ABCC1: variants seen among roughly 807,000 people sequenced by gnomAD.
The protein encoded by ABCC1 is ATP binding cassette subfamily C member 1 (ABCC1 blood group).
A neutral mutation model predicts 172.9 loss-of-function variants in ABCC1; 83 were observed. The ratio of observed to expected loss-of-function variants is 0.48; its 90% CI spans 0.40 to 0.58. The LOEUF (loss-of-function observed/expected upper bound fraction) is 0.58. ABCC1 is among the 20% of genes least tolerant of loss of function. The pLI is 0.00. For missense variants in ABCC1, 1,817 were observed against 2,002.7 expected (o/e 0.91, Z 1.77); for synonymous variants, 937 against 825.2 (o/e 1.14, Z -2.32).
At chr16:16,068,056 C>G in intron 12 of ABCC1, 100 bp from the exon 13 acceptor site, 1 of 1,463,508 alleles carries the variant, frequency 6.8e-7, no homozygotes, top group Admixed American at 1.8e-5. Flanking sequence ...TTGTGGCCAC[C>G]TGGGGAGGGC....
chr16:16,110,664 C>T (rs896734815), intron 21 of ABCC1, among the ~76,000 whole-genome samples: 2 of 152,222 alleles, frequency 1.3e-5, no homozygotes, highest in African/African-American at 4.8e-5. Context: ...GCTGGGATCA[C>T]AGGCATGAGC....
At chr16:16,132,339 A>T (rs2644989) in intron 27 of ABCC1, among the ~76,000 whole-genome samples, 54,927 of 148,964 alleles carry the variant, frequency 0.37, 10,654 homozygotes, top group Middle Eastern at 0.47. Context: ...CACCTGGCTA[A>T]TTTTTGTATT....
rs1274141806 is a variant in ABCC1, at chr16:15,997,827, T to C, written c.49-9989T>C. ...TACCTTTTTTTTTTTTTTTTTTTTT[T>C]CCCTGAGACAGAGTCTCGCTCTGTC... On this transcript the variant is annotated intron_variant, in intron 1 of 30. Transcript: ENST00000399410. 1.9e-4 allele frequency among the ~76,000 whole-genome samples: 26 copies of C among 137,478 alleles called. 1 individual carries two copies. The highest frequency in any genetic ancestry group is 8.7e-4 in the Admixed American group (12 of 13,766). The allele number at this position is 137,478 out of a possible 152,430, so 90.2% of individuals were successfully genotyped here. A position where few individuals can be genotyped will look rare whatever the true frequency, so the allele number is the denominator to read the frequency against.
chr16:16,094,826 T>C (rs2051403902), intron 19 of ABCC1, among the ~76,000 whole-genome samples: 1 of 144,192 alleles, frequency 6.9e-6, no homozygotes, highest in Non-Finnish European at 1.5e-5. Context: ...TTTTTTTTTT[T>C]TTTTTTTTTT....
chr16:15,999,941 G>A (rs550208731), intron 1 of ABCC1, among the ~76,000 whole-genome samples: 1 of 147,338 alleles, frequency 6.8e-6, no homozygotes, highest in Admixed American at 7.1e-5. Context: ...TGCAACCTCT[G>A]CTTCCCAGGT....
intron 3 of ABCC1, 145 bp from the exon 4 acceptor site, chr16:16,014,346 T>G: frequency 1.1e-6 from 1 of 918,322 alleles, no homozygotes; most frequent in Non-Finnish European, 1.6e-6. Context: ...CTTGGGAAGC[T>G]GAGGCAGGAG....
At position 16,043,222 on chromosome 16, in the gene ABCC1, G is replaced by T. The variant is rs1224161062; in HGVS notation, c.810-1228G>T. ...CTGTGTTGCTCTGGCTGGCTGGACTGTTTTTTTTTTTTTTTTTTTTTCCAC... is the reference window on the plus strand; with the variant it reads ...CTGTGTTGCTCTGGCTGGCTGGACTTTTTTTTTTTTTTTTTTTTTTTCCAC... On this transcript the variant is annotated intron_variant, in intron 7 of 30. Transcript: ENST00000399410. Among the ~76,000 whole-genome samples, 674 of 89,132 alleles carry T rather than the reference G, an allele frequency of 7.6e-3. 7 individuals carry two copies. Among genetic ancestry groups the T allele is most frequent in the African/African-American group, 0.027 (531 of 19,646 alleles). 58.5% of individuals were successfully genotyped at this position (89,132 alleles called of 152,430 possible). A position where few individuals can be genotyped will look rare whatever the true frequency, so the allele number is the denominator to read the frequency against.
chr16:15,962,588 A>C (rs2046158861), intron 1 of ABCC1, among the ~76,000 whole-genome samples: 1 of 152,234 alleles, frequency 6.6e-6, no homozygotes, highest in African/African-American at 2.4e-5. Context: ...CAGGAAACTT[A>C]AAATGATGGT....
intron 21 of ABCC1, 50 bp from the exon 22 acceptor site, chr16:16,111,325 G>A (rs759659628): frequency 5.8e-6 from 9 of 1,549,636 alleles, no homozygotes; most frequent in Non-Finnish European, 7.1e-6. Context: ...GCTGGGGCTG[G>A]GGCTGGGTGC....
chr16:15,998,498 T>C (rs1420159805), intron 1 of ABCC1, among the ~76,000 whole-genome samples: 1 of 151,954 alleles, frequency 6.6e-6, no homozygotes, highest in Non-Finnish European at 1.5e-5. Context: ...GATGTGGGGG[T>C]GGATGGCAGG....
chr16:16,015,789 A>G (rs1407375814), intron 4 of ABCC1, among the ~76,000 whole-genome samples: 2 of 152,160 alleles, frequency 1.3e-5, no homozygotes, highest in Non-Finnish European at 2.9e-5. Flanking sequence ...GGGTGCCATA[A>G]CACTCCCAAG....
chr16:16,056,672 A>C, intron 12 of ABCC1: 1 of 222,916 alleles, frequency 4.5e-6, no homozygotes, highest in Non-Finnish European at 8.9e-6. Flanking sequence ...TTGTCTCAAA[A>C]ACAAACAAAA....
At chr16:16,125,744 A>AAG (rs1438917614) in intron 25 of ABCC1, 66 bp from the exon 26 acceptor site, 1 of 1,210,360 alleles carries the variant, frequency 8.3e-7, no homozygotes, top group East Asian at 2.4e-5. Context: ...CAGTGGAAAA[A>AAG]AAGAAAAAGG....
chr16:16,128,445 G>A (rs780097628), intron 26 of ABCC1, among the ~76,000 whole-genome samples: 26 of 151,902 alleles, frequency 1.7e-4, no homozygotes, highest in Non-Finnish European at 3.5e-4. Flanking sequence ...CACCACACCC[G>A]GCCTGAGTTC....
At chr16:16,138,234 GGGA>G (rs936485313) in intron 29 of ABCC1, 127 bp from the exon 30 acceptor site, 5 of 710,138 alleles carry the variant, frequency 7.0e-6, no homozygotes, top group African/African-American at 5.3e-5. Flanking sequence ...CACAGATGTT[GGGA>G]GTGGACATGC....
intron 6 of ABCC1, among the ~76,000 whole-genome samples, chr16:16,035,871 C>T (rs528972703): frequency 2.6e-4 from 40 of 151,110 alleles, no homozygotes; most frequent in African/African-American, 5.3e-4. Context: ...TCCAAGACTT[C>T]GGGAGGCCAA....
rs1005572524 is a variant in ABCC1 at position 16,048,448 on chromosome 16, G to C, written c.1380+145G>C. 14 of 979,224 alleles carry C rather than the reference G, an allele frequency of 1.4e-5. No homozygotes were observed. The African/African-American group carries it at 2.3e-4, about 16-fold the overall frequency. 60.7% of individuals were successfully genotyped at this position (979,224 alleles called of 1,614,324 possible). A position where few individuals can be genotyped will look rare whatever the true frequency, so the allele number is the denominator to read the frequency against. ...TGGTTCATATTTTATTTTCCAGCCT[G>C]TTAACCAATTCCTCAGTATTTTGTT... On this transcript the variant is annotated intron_variant, in intron 10 of 30. Transcript: ENST00000399410.
chr16:16,120,557 A>G lies in ABCC1; in HGVS notation c.3391-1418A>G, dbSNP rs185820807. On this transcript the variant is annotated intron_variant, in intron 23 of 30. Transcript: ENST00000399410. ...GTGGGTGGAGCTGCTTGTGAAACGT[A>G]TCATCGTAGCCCGGGAGCTGGGACA... is the stretch of plus-strand genomic sequence containing the variant. Among the ~76,000 whole-genome samples, 8 of 152,192 alleles carry G rather than the reference A, an allele frequency of 5.3e-5. No homozygotes were observed. The East Asian group carries it at 1.5e-3, about 29-fold the overall frequency.
At chr16:15,952,999 G>T (rs1369999250) in intron 1 of ABCC1, among the ~76,000 whole-genome samples, 3 of 150,442 alleles carry the variant, frequency 2.0e-5, no homozygotes, top group African/African-American at 7.3e-5. Flanking sequence ...CTGAGATCAC[G>T]GTCACTGCAC....
Sources: gnomAD v4.1 joint callset for allele counts (sites outside exome capture counted in the v4.1 genomes callset) on GRCh38, gnomAD v4.1.1 for gene constraint, MANE v1.5 for transcripts, NCBI Gene and HGNC (gene_info 2026-07-23, HGNC 2026-07-21) for gene names.